The following GCM1 variants were observed in gnomAD, a reference collection of about 807,000 sequenced individuals.
GCM1 encodes the protein chorion-specific transcription factor GCMa.
Under a neutral mutation model 25.7 loss-of-function variants are expected in GCM1, and 2 were observed. The observed-to-expected ratio is 0.08, with a 90% CI of 0.03 to 0.24. The LOEUF is 0.24. Among genes scored for constraint, GCM1 ranks in the 10% least tolerant of loss-of-function variants. The pLI is 1.00. For missense variants in GCM1, 395 were observed against 538.7 expected (o/e 0.73, Z 2.64); for synonymous variants, 183 against 195.7 (o/e 0.94, Z 0.54).
chr6:53,143,379 G>A (rs1042106915), intron 2 of GCM1, among the ~76,000 whole-genome samples: 85 of 152,068 alleles, frequency 5.6e-4, no homozygotes, highest in African/African-American at 2.0e-3. Context: ...TCTTGTTTAT[G>A]GATCTGATGA....
intron 1 of GCM1, 131 bp from the exon 2 acceptor site, chr6:53,145,899 T>C (rs1348714485): frequency 5.2e-6 from 2 of 381,898 alleles, no homozygotes; most frequent in Non-Finnish European, 9.3e-6. Flanking sequence ...AAACAAAACA[T>C]AGGAGCCATA....
At chr6:53,147,957 G>C (rs1763987709) in intron 1 of GCM1, among the ~76,000 whole-genome samples, 1 of 152,154 alleles carries the variant, frequency 6.6e-6, no homozygotes, top group African/African-American at 2.4e-5. Flanking sequence ...ACCATTAAAT[G>C]ACAAGCTAAT....
rs1447863888 is a variant in GCM1, at chr6:53,127,208, C to T, written c.*998G>A. 2 of 152,114 alleles carry T rather than the reference C, an allele frequency of 1.3e-5. No individual in the cohort carries two copies. Among genetic ancestry groups the T allele is most frequent in the Non-Finnish European group, 2.9e-5 (2 of 68,036 alleles). 9.4% of individuals were successfully genotyped at this position (152,114 alleles called of 1,614,324 possible). On this transcript the variant is annotated 3_prime_UTR_variant, in exon 6 of 6. Transcript: ENST00000259803. ...CAGAAGCCCCTGTGCAAGGGGAAGT[C>T]AGTGAGGAAGAGGGAAGGAAACAAG...
intron 2 of GCM1, among the ~76,000 whole-genome samples, chr6:53,137,937 C>CT (rs1320531188): frequency 6.6e-6 from 1 of 152,038 alleles, no homozygotes; most frequent in African/African-American, 2.4e-5. Context: ...ATCCTTTAAG[C>CT]TTTTTTCTGA....
intron 3 of GCM1, 143 bp downstream of exon 3, chr6:53,133,929 C>G: frequency 3.8e-6 from 3 of 793,688 alleles, no homozygotes; most frequent in Non-Finnish European, 6.1e-6. Context: ...GCTCCATATG[C>G]TCCATGTCAG....
At chr6:53,137,035 C>T (rs1419189021) in intron 2 of GCM1, among the ~76,000 whole-genome samples, 1 of 152,054 alleles carries the variant, frequency 6.6e-6, no homozygotes, top group Non-Finnish European at 1.5e-5. Context: ...TTAATTGGTG[C>T]ACCTCTTGTT....
intron 3 of GCM1, among the ~76,000 whole-genome samples, chr6:53,132,604 A>G (rs918523303): frequency 6.6e-6 from 1 of 152,086 alleles, no homozygotes; most frequent in Non-Finnish European, 1.5e-5. Flanking sequence ...CCCAGCTACT[A>G]GGGAGGCTGA....
intron 2 of GCM1, among the ~76,000 whole-genome samples, chr6:53,137,770 T>C (rs770275419): frequency 3.3e-5 from 5 of 152,216 alleles, no homozygotes; most frequent in Non-Finnish European, 4.4e-5. Flanking sequence ...AGAGGAAAGC[T>C]GAGATTTTCA....
At chr6:53,129,272 CTTTTT>C (rs11342377) in intron 5 of GCM1, among the ~76,000 whole-genome samples, 3 of 119,436 alleles carry the variant, frequency 2.5e-5, no homozygotes, top group Non-Finnish European at 3.6e-5. Flanking sequence ...TTTATTTATT[CTTTTT>C]TTTTTTTTTT....
intron 2 of GCM1, among the ~76,000 whole-genome samples, chr6:53,135,026 C>T (rs1211871750): frequency 6.6e-6 from 1 of 152,188 alleles, no homozygotes; most frequent in Non-Finnish European, 1.5e-5. Context: ...GTGCCTCAAA[C>T]ATGACAAGGG....
At chr6:53,140,016 T>C (rs925620162) in intron 2 of GCM1, among the ~76,000 whole-genome samples, 1 of 152,180 alleles carries the variant, frequency 6.6e-6, no homozygotes, top group African/African-American at 2.4e-5. Flanking sequence ...AGGGACCTGC[T>C]GCAGGGTACC....
Position 53,128,028 on chromosome 6 carries a change from C to CAAAAAAA in GCM1, c.*171_*177dup, listed in dbSNP as rs1223691364. The stretch of plus-strand genomic sequence containing the variant: ...TGGGCAAAAGAGCAAGACTCTGTCT[C>CAAAAAAA]AAAAAAAAAAAAAAAAAAAAAAAAA... On this transcript the variant is annotated 3_prime_UTR_variant, in exon 6 of 6. Coordinates refer to ENST00000259803, the MANE Select transcript of GCM1 (RefSeq NM_003643.4). The CAAAAAAA allele has an allele frequency of 0.056, 3,695 of 65,794 alleles. 169 individuals carry two copies. Among genetic ancestry groups the CAAAAAAA allele is most frequent in the South Asian group, 0.11 (475 of 4,514 alleles). The allele number at this position is 65,794 out of a possible 1,614,324, so 4.1% of individuals were successfully genotyped here. A position where few individuals can be genotyped will look rare whatever the true frequency, so the allele number is the denominator to read the frequency against.
At chr6:53,134,667 C>T (rs771868646) in intron 2 of GCM1, among the ~76,000 whole-genome samples, 1 of 152,176 alleles carries the variant, frequency 6.6e-6, no homozygotes, top group East Asian at 1.9e-4. Context: ...TGCTCTTACA[C>T]AATAACTATA....
chr6:53,148,768 C>T lies in GCM1; in HGVS notation c.-151G>A, dbSNP rs1017834219. The T allele has an allele frequency of 6.6e-6, 1 of 152,198 alleles. No homozygotes were observed. The highest frequency in any genetic ancestry group is 2.4e-5 in the African/African-American group (1 of 41,436). 9.4% of individuals were successfully genotyped at this position (152,198 alleles called of 1,614,324 possible). A position where few individuals can be genotyped will look rare whatever the true frequency, so the allele number is the denominator to read the frequency against. ...GGCTTTCTTACCTTCTAACTTCTTACGGAGAAGCAGACAGCACTGTGTCGT... is the reference window on the plus strand; with the variant it reads ...GGCTTTCTTACCTTCTAACTTCTTATGGAGAAGCAGACAGCACTGTGTCGT... On this transcript the variant is annotated 5_prime_UTR_variant, in exon 1 of 6. Transcript: ENST00000259803.
chr6:53,131,548 C>T (rs191769783), intron 4 of GCM1, among the ~76,000 whole-genome samples: 214 of 152,330 alleles, frequency 1.4e-3, no homozygotes, highest in Admixed American at 2.6e-3. Flanking sequence ...CTAATTCAAA[C>T]CCAGGCAGTC....
intron 2 of GCM1, among the ~76,000 whole-genome samples, chr6:53,139,786 G>A (rs1009479172): frequency 1.3e-5 from 2 of 152,066 alleles, no homozygotes; most frequent in Admixed American, 6.5e-5. Context: ...GCTTGAACCC[G>A]GGAGGCAGAG....
intron 2 of GCM1, among the ~76,000 whole-genome samples, chr6:53,134,576 C>T (rs571320305): frequency 2.0e-5 from 3 of 152,356 alleles, no homozygotes; most frequent in South Asian, 4.1e-4. Flanking sequence ...TGAGTTCCAT[C>T]TGATTGACAC....
intron 2 of GCM1, among the ~76,000 whole-genome samples, chr6:53,137,202 G>T (rs9474398): frequency 0.016 from 2,447 of 152,234 alleles, 63 homozygotes; most frequent in African/African-American, 0.055. Context: ...AGAGATTCCC[G>T]GATGGCCAGG....
rs929007255 is a variant in GCM1 at position 53,127,002 on chromosome 6, A to G, written c.*1204T>C. On this transcript the variant is annotated 3_prime_UTR_variant, in exon 6 of 6. Coordinates refer to ENST00000259803, the MANE Select transcript of GCM1 (RefSeq NM_003643.4). The stretch of plus-strand genomic sequence containing the variant: ...TTGTTTATTGCATGGTTCTCTCCAG[A>G]TTTTATGTCTAGGCTTACTTTTATC... The G allele has an allele frequency of 3.9e-5, 6 of 152,200 alleles. No homozygotes were observed. The highest frequency in any genetic ancestry group is 1.2e-4 in the African/African-American group (5 of 41,454). The allele number at this position is 152,200 out of a possible 1,614,324, so 9.4% of individuals were successfully genotyped here. A position where few individuals can be genotyped will look rare whatever the true frequency, so the allele number is the denominator to read the frequency against.
Sources: gnomAD v4.1 joint callset for allele counts (sites outside exome capture counted in the v4.1 genomes callset) on GRCh38, gnomAD v4.1.1 for gene constraint, MANE v1.5 for transcripts, NCBI Gene and HGNC (gene_info 2026-07-23, HGNC 2026-07-21) for gene names.